Variants in DOCK2 observed in about 807,000 individuals in gnomAD.
DOCK2 encodes the protein dedicator of cytokinesis 2, also known as dedicator of cytokinesis protein 2.
Under a neutral mutation model 248.9 loss-of-function variants are expected in DOCK2, and 87 were observed. The ratio of observed to expected loss-of-function variants is 0.35; its 90% CI spans 0.29 to 0.42. DOCK2 has a LOEUF of 0.42. Among genes scored for constraint, DOCK2 ranks in the 10% least tolerant of loss-of-function variants. The probability of loss-of-function intolerance (pLI) is 1.00; values close to 1 mark genes in which losing one functional copy is unlikely to be tolerated. For synonymous variants in DOCK2, 805 were observed against 821.6 expected (o/e 0.98, Z 0.35); for missense variants, 1,747 against 2,300.2 (o/e 0.76, Z 4.92).
rs143786946 is a variant in DOCK2, at chr5:169,892,099, A to G, written c.2799+51247A>G. Among the ~76,000 whole-genome samples, 418 of 152,334 alleles carry G rather than the reference A, an allele frequency of 2.7e-3. 1 individual carries two copies. Among genetic ancestry groups the G allele is most frequent in the African/African-American group, 9.8e-3 (409 of 41,588 alleles). ...AGAATCTTATTTAATGATTTTCAAA[A>G]TTCCTTTAGCGGTAAAATCAGCCTT... On this transcript the variant is annotated intron_variant, in intron 27 of 51. Transcript: ENST00000520908.
chr5:170,041,035 G>T lies in DOCK2; in HGVS notation c.3666-20G>T. 2.5e-6 allele frequency: 4 copies of T among 1,609,546 alleles called. No homozygotes were observed. The highest frequency in any genetic ancestry group is 3.4e-6 in the Non-Finnish European group (4 of 1,176,154). Reference sequence around the variant, plus strand: ...TTTTCACTGCACCTGGTAGCTTACTGCATATTTTCCCTCAAACAGGTACCT... The same window carrying T: ...TTTTCACTGCACCTGGTAGCTTACTTCATATTTTCCCTCAAACAGGTACCT... On this transcript the variant is annotated intron_variant, in intron 36 of 51. Coordinates refer to ENST00000520908, the MANE Select transcript of DOCK2 (RefSeq NM_004946.3).
At chr5:169,791,343 T>TA (rs907437421) in intron 25 of DOCK2, among the ~76,000 whole-genome samples, 32 of 152,086 alleles carry the variant, frequency 2.1e-4, no homozygotes, top group African/African-American at 6.8e-4. Context: ...TATAGTTGAA[T>TA]AAAAAAATGA....
chr5:169,895,370 TCA>T (rs372783817), intron 27 of DOCK2, among the ~76,000 whole-genome samples: 89 of 152,158 alleles, frequency 5.8e-4, no homozygotes, highest in African/African-American at 2.1e-3. Context: ...ACCCCACTTC[TCA>T]CTCTCCAGGA....
chr5:169,673,707 TAAA>T (rs1561587518), intron 5 of DOCK2, among the ~76,000 whole-genome samples: 1 of 152,114 alleles, frequency 6.6e-6, no homozygotes, highest in African/African-American at 2.4e-5. Context: ...CTCTGTTTGT[TAAA>T]AAAGACATTA....
chr5:169,698,524 G>T, intron 11 of DOCK2, 75 bp downstream of exon 11: 1 of 1,525,856 alleles, frequency 6.6e-7, no homozygotes, highest in African/African-American at 1.4e-5. Flanking sequence ...AGCTCAGAGG[G>T]TACCAGTTCC....
intron 11 of DOCK2, 68 bp downstream of exon 11, chr5:169,698,517 T>C: frequency 6.4e-7 from 1 of 1,555,642 alleles, no homozygotes; most frequent in African/African-American, 1.4e-5. Flanking sequence ...CTGCTGGAGC[T>C]CAGAGGGTAC....
At chr5:169,650,736 A>C (rs959455211) in intron 1 of DOCK2, among the ~76,000 whole-genome samples, 1 of 151,740 alleles carries the variant, frequency 6.6e-6, no homozygotes, top group African/African-American at 2.4e-5. Context: ...CATCCCTTTG[A>C]TCCTTGGCCA....
intron 26 of DOCK2, among the ~76,000 whole-genome samples, chr5:169,835,015 G>C (rs893044518): frequency 2.6e-5 from 4 of 152,126 alleles, no homozygotes; most frequent in African/African-American, 9.7e-5. Context: ...GAATGAAAAG[G>C]AATCTTGGAT....
chr5:169,995,510 A>G (rs1301991384), intron 29 of DOCK2, among the ~76,000 whole-genome samples: 1 of 152,236 alleles, frequency 6.6e-6, no homozygotes, highest in African/African-American at 2.4e-5. Context: ...ATACAGTGGA[A>G]TGCTCTTCAG....
chr5:170,041,028 G>A (rs1026058918), intron 36 of DOCK2, 27 bp from the exon 37 acceptor site: 2 of 1,604,120 alleles, frequency 1.2e-6, no homozygotes, highest in Non-Finnish European at 1.7e-6. Context: ...GCACCTGGTA[G>A]CTTACTGCAT....
intron 26 of DOCK2, among the ~76,000 whole-genome samples, chr5:169,820,773 G>C (rs958630776): frequency 6.6e-6 from 1 of 152,224 alleles, no homozygotes; most frequent in Admixed American, 6.5e-5. Context: ...GACAGAGAAT[G>C]ACTTTGACGA....
At chr5:169,795,461 GA>G (rs1399313319) in intron 25 of DOCK2, among the ~76,000 whole-genome samples, 1 of 152,182 alleles carries the variant, frequency 6.6e-6, no homozygotes, top group Non-Finnish European at 1.5e-5. Flanking sequence ...GTGTTGTAAT[GA>G]GGCATGTTTC....
intron 27 of DOCK2, among the ~76,000 whole-genome samples, chr5:169,846,969 G>A (rs1211600489): frequency 6.6e-6 from 1 of 151,880 alleles, no homozygotes; most frequent in Non-Finnish European, 1.5e-5. Flanking sequence ...TTCCACTCCT[G>A]TGTTACTTCA....
chr5:170,082,871 T>C lies in DOCK2; in HGVS notation c.*13T>C, dbSNP rs1423520055. 2 of 1,614,044 alleles carry C rather than the reference T, an allele frequency of 1.2e-6. No individual in the cohort carries two copies. The highest frequency in any genetic ancestry group is 1.7e-5 in the Admixed American group (1 of 60,002). On this transcript the variant is annotated 3_prime_UTR_variant, in exon 52 of 52. Coordinates refer to ENST00000520908, the MANE Select transcript of DOCK2 (RefSeq NM_004946.3). ...CACGGACCTGTGAGCTGCTGCTGAC[T>C]AGGGCTGCATGGGAGAGCCAGGGAG...
At chr5:170,007,779 T>G (rs1755101242) in intron 30 of DOCK2, among the ~76,000 whole-genome samples, 1 of 152,150 alleles carries the variant, frequency 6.6e-6, no homozygotes, top group Non-Finnish European at 1.5e-5. Context: ...AGCCTGCATC[T>G]CAGCTGGGCC....
chr5:169,728,018 C>T (rs897190692), intron 22 of DOCK2, among the ~76,000 whole-genome samples: 5 of 152,086 alleles, frequency 3.3e-5, no homozygotes, highest in African/African-American at 7.2e-5. Context: ...AAGGTAGTGA[C>T]GGTGGTACTG....
intron 7 of DOCK2, among the ~76,000 whole-genome samples, chr5:169,682,721 C>T (rs531874890): frequency 7.2e-5 from 11 of 152,238 alleles, no homozygotes; most frequent in East Asian, 1.9e-4. Flanking sequence ...TTTAATGAAT[C>T]GTAATAATAT....
intron 27 of DOCK2, among the ~76,000 whole-genome samples, chr5:169,852,288 T>C (rs1224605738): frequency 6.6e-6 from 1 of 152,226 alleles, no homozygotes; most frequent in Non-Finnish European, 1.5e-5. Flanking sequence ...AAGACTCCAC[T>C]GTATCTCTTG....
intron 22 of DOCK2, among the ~76,000 whole-genome samples, chr5:169,719,462 A>C (rs1362921682): frequency 1.3e-5 from 2 of 152,232 alleles, no homozygotes; most frequent in African/African-American, 4.8e-5. Flanking sequence ...CATTCAAGGA[A>C]AGTATTGTCT....
Sources: allele counts gnomAD v4.1 joint callset (sites outside exome capture counted in the v4.1 genomes callset), GRCh38; gene constraint gnomAD v4.1.1; transcripts MANE v1.5; gene names NCBI Gene and HGNC (gene_info 2026-07-23, HGNC 2026-07-21).